MTMR10: variants seen among roughly 807,000 people sequenced by gnomAD.
MTMR10 encodes the protein myotubularin-related protein 10.
Under a neutral mutation model 88.1 loss-of-function variants are expected in MTMR10, and 56 were observed. The observed-to-expected ratio is 0.64, with a 90% CI of 0.51 to 0.79. The LOEUF is 0.79. Among genes scored for constraint, MTMR10 ranks in the 30% least tolerant of loss-of-function variants. The probability of loss-of-function intolerance (pLI) is 0.00; values close to 1 mark genes in which losing one functional copy is unlikely to be tolerated. For missense variants in MTMR10, 883 were observed against 924.7 expected (o/e 0.95, Z 0.58); for synonymous variants, 380 against 340.9 (o/e 1.11, Z -1.26).
In MTMR10 at chr15:30,968,024, T is replaced by C. The variant is rs1464837763; in HGVS notation, c.475-14A>G. ...TGCAAGGCATACCTAGGAAAAATTC[T>C]ACATTTAGAATTTGATTTTAACACA... On this transcript the variant is annotated splice_polypyrimidine_tract_variant and intron_variant, in intron 5 of 15. Transcript: ENST00000435680. 3 of 1,528,754 alleles carry C rather than the reference T, an allele frequency of 2.0e-6. No individual in the cohort carries two copies. Among genetic ancestry groups the C allele is most frequent in the Admixed American group, 3.9e-5 (2 of 50,982 alleles). The allele number at this position is 1,528,754 out of a possible 1,614,324, so 94.7% of individuals were successfully genotyped here.
intron 2 of MTMR10, among the ~76,000 whole-genome samples, chr15:30,985,793 TTCTTCAC>T (rs1247386088): frequency 1.3e-5 from 2 of 152,074 alleles, no homozygotes; most frequent in Non-Finnish European, 2.9e-5. Context: ...TTCCTTGGGG[TTCTTCAC>T]TCTTTTCAAC....
the MTMR10 span, among the ~76,000 whole-genome samples, chr15:30,929,779 T>TCATATATAATATAATATATAAAATA: frequency 8.8e-5 from 2 of 22,720 alleles, no homozygotes; most frequent in Admixed American, 1.9e-3. Flanking sequence ...ATATAATATA[T>TCATATATAATATAATATATAAAATA]TATATCATAT....
chr15:30,930,417 G>A, the MTMR10 span: 2 of 1,095,170 alleles, frequency 1.8e-6, no homozygotes, highest in Non-Finnish European at 2.5e-6. Context: ...AGCGCATGGT[G>A]GGCCTGGGGT....
intron 2 of MTMR10, among the ~76,000 whole-genome samples, chr15:30,982,070 CAAA>C (rs1182835234): frequency 1.9e-5 from 2 of 106,184 alleles, no homozygotes; most frequent in Admixed American, 1.0e-4. Context: ...GACTCCATCT[CAAA>C]AAAAAAAAGA....
At chr15:30,974,227 C>G (rs2029932992) in intron 5 of MTMR10, 87 bp downstream of exon 5, 1 of 1,197,142 alleles carries the variant, frequency 8.4e-7, no homozygotes, top group Non-Finnish European at 1.1e-6. Flanking sequence ...AACATCTGAG[C>G]AATTGAGAAA....
At chr15:30,923,534 G>A in the MTMR10 span, among the ~76,000 whole-genome samples, 1 of 152,132 alleles carries the variant, frequency 6.6e-6, no homozygotes, top group Non-Finnish European at 1.5e-5. Context: ...TATTTCATTA[G>A]TGTTCTTTGA....
chr15:30,954,014 G>A (rs1377855093), intron 10 of MTMR10, among the ~76,000 whole-genome samples: 1 of 152,192 alleles, frequency 6.6e-6, no homozygotes, highest in Admixed American at 6.5e-5. Flanking sequence ...TTGCCCTCCT[G>A]CTTCCCTGCC....
chr15:30,943,932 A>T, intron 14 of MTMR10: 1 of 985,444 alleles, frequency 1.0e-6, no homozygotes, highest in Non-Finnish European at 1.2e-6. Context: ...AGTTCGCTGG[A>T]GGAAATAACT....
chr15:30,928,388 C>A, the MTMR10 span: 1 of 1,446,058 alleles, frequency 6.9e-7, no homozygotes, highest in Non-Finnish European at 9.0e-7. Context: ...ATAAAATAAA[C>A]TGGGAATGGC....
At chr15:30,929,724 A>G in the MTMR10 span, among the ~76,000 whole-genome samples, 588 of 42,626 alleles carry the variant, frequency 0.014, 62 homozygotes, top group African/African-American at 0.019. Flanking sequence ...TAATATATAT[A>G]AAATATATAA....
In MTMR10 at chr15:30,991,556, C is replaced by T; in HGVS notation, c.-50G>A. The T allele has an allele frequency of 6.6e-7, 1 of 1,525,720 alleles. No homozygotes were observed. The highest frequency in any genetic ancestry group is 8.7e-7 in the Non-Finnish European group (1 of 1,145,332). The allele number at this position is 1,525,720 out of a possible 1,614,324, so 94.5% of individuals were successfully genotyped here. A position where few individuals can be genotyped will look rare whatever the true frequency, so the allele number is the denominator to read the frequency against. The stretch of plus-strand genomic sequence containing the variant: ...TCCCGTCGCGGGCCAGTGGCAGCGC[C>T]GACGCCTCCGGGCGTAAAGCTCTCA... On this transcript the variant is annotated 5_prime_UTR_variant, in exon 1 of 16. Transcript: ENST00000435680.
At chr15:30,985,448 C>T (rs1008663552) in intron 2 of MTMR10, among the ~76,000 whole-genome samples, 7 of 152,224 alleles carry the variant, frequency 4.6e-5, no homozygotes, top group African/African-American at 1.7e-4. Flanking sequence ...ACCAGTGCAG[C>T]CAGGTGGGCC....
chr15:30,922,490 T>A, the MTMR10 span: 1 of 939,910 alleles, frequency 1.1e-6, no homozygotes. Flanking sequence ...CTTTTGTCTG[T>A]GTTCTTCCAA....
the MTMR10 span, among the ~76,000 whole-genome samples, chr15:30,921,766 A>G: frequency 7.2e-5 from 11 of 152,240 alleles, no homozygotes; most frequent in African/African-American, 2.4e-4. Context: ...TACATAATCT[A>G]GACCAGAGAA....
chr15:30,937,447 CTTTTTTTTT>C (rs11317050), downstream of MTMR10, among the ~76,000 whole-genome samples: 120 of 78,984 alleles, frequency 1.5e-3, 1 homozygote, highest in African/African-American at 5.8e-3. Context: ...GGGTAATAAA[CTTTTTTTTT>C]TTTTTTTTTT....
At chr15:30,930,032 T>C in the MTMR10 span, among the ~76,000 whole-genome samples, 2 of 138,552 alleles carry the variant, frequency 1.4e-5, no homozygotes, top group Non-Finnish European at 3.0e-5. Flanking sequence ...ATAATATATA[T>C]ATTAATATTA....
downstream of MTMR10, among the ~76,000 whole-genome samples, chr15:30,937,658 G>A (rs1375847981): frequency 6.6e-6 from 1 of 151,528 alleles, no homozygotes; most frequent in East Asian, 2.0e-4. Context: ...CACCATGTTG[G>A]TTGGCCAGGT....
At chr15:30,925,864 G>A in the MTMR10 span, 1,501 of 1,614,134 alleles carry the variant, frequency 9.3e-4, 11 homozygotes, top group African/African-American at 0.018. Flanking sequence ...CGGGGAGGCC[G>A]CTGACCCCAC....
intron 15 of MTMR10, chr15:30,942,357 G>GA (rs1404881465): frequency 1.5e-5 from 7 of 466,446 alleles, no homozygotes; most frequent in South Asian, 9.3e-5. Context: ...AGACGGGCTA[G>GA]AAAAAACACT....
Sources: gnomAD v4.1 joint callset for allele counts (sites outside exome capture counted in the v4.1 genomes callset) on GRCh38, gnomAD v4.1.1 for gene constraint, MANE v1.5 for transcripts, NCBI Gene and HGNC (gene_info 2026-07-23, HGNC 2026-07-21) for gene names.